The following PAK2 variants were observed in gnomAD, a reference collection of about 807,000 sequenced individuals.
The protein encoded by PAK2 is p21 (RAC1) activated kinase 2.
In PAK2, 21 loss-of-function variants were observed where a neutral mutation model predicts 65.9. The ratio of observed to expected loss-of-function variants is 0.32; its 90% CI spans 0.23 to 0.46. The LOEUF (loss-of-function observed/expected upper bound fraction) is 0.46, where lower values mean the gene tolerates loss of function less well. Among genes scored for constraint, PAK2 ranks in the 20% least tolerant of loss-of-function variants. The probability of loss-of-function intolerance (pLI) is 1.00; values close to 1 mark genes in which losing one functional copy is unlikely to be tolerated. For missense variants in PAK2, 324 were observed against 642.6 expected, an observed-to-expected ratio of 0.50 and a Z score of 5.36; for synonymous variants, 204 against 219.7, an observed-to-expected ratio of 0.93 and a Z score of 0.63.
At chr3:196,761,133 G>A (rs1365793418) in intron 1 of PAK2, among the ~76,000 whole-genome samples, 6 of 147,046 alleles carry the variant, frequency 4.1e-5, no homozygotes, top group Non-Finnish European at 7.4e-5. Flanking sequence ...TAAGGCTGAG[G>A]CAGGAGAACC....
intron 13 of PAK2, among the ~76,000 whole-genome samples, chr3:196,821,316 G>C (rs1276238260): frequency 6.8e-6 from 1 of 147,936 alleles, no homozygotes; most frequent in African/African-American, 2.5e-5. Flanking sequence ...GACAGGGTGA[G>C]ACTCTGTCTC....
chr3:196,799,730 C>T (rs753447085), intron 2 of PAK2, among the ~76,000 whole-genome samples: 9 of 152,142 alleles, frequency 5.9e-5, no homozygotes, highest in Non-Finnish European at 2.9e-5. Flanking sequence ...TCTCGGCTCA[C>T]TGCAGCCTCC....
At chr3:196,811,315 T>TTCCTTCCTTTCC (rs1553808541) in intron 8 of PAK2, among the ~76,000 whole-genome samples, 1 of 1,058 alleles carries the variant, frequency 9.5e-4, no homozygotes, top group African/African-American at 6.7e-3. Flanking sequence ...CTTCCCTTCC[T>TTCCTTCCTTTCC]TTCCTTCCTT....
intron 2 of PAK2, among the ~76,000 whole-genome samples, chr3:196,785,485 A>G (rs753041650): frequency 6.6e-6 from 1 of 151,564 alleles, no homozygotes; most frequent in East Asian, 1.9e-4. Flanking sequence ...ACCCTCAGCA[A>G]CTCTGGGAGG....
At position 196,772,022 on chromosome 3, in the gene PAK2, G is replaced by A. The variant is rs115966441; in HGVS notation, c.-21-10604G>A. ...AGTTCTGTATGGTGTTTTCATATTC[G>A]CTCTATTCTGCTTTTATTTTCAAGC... On this transcript the variant is annotated intron_variant, in intron 1 of 14. Coordinates refer to ENST00000327134, the MANE Select transcript of PAK2 (RefSeq NM_002577.4). Among the ~76,000 whole-genome samples the A allele has an allele frequency of 4.4e-3, 662 of 151,834 alleles. 1 individual carries two copies. Among genetic ancestry groups the A allele is most frequent in the Non-Finnish European group, 7.6e-3 (518 of 67,954 alleles).
intron 8 of PAK2, among the ~76,000 whole-genome samples, chr3:196,811,866 G>A (rs891322179): frequency 2.6e-5 from 4 of 152,074 alleles, no homozygotes; most frequent in Non-Finnish European, 5.9e-5. Flanking sequence ...ACCTTTGGGA[G>A]GAAGGAGACT....
chr3:196,807,940 T>C, intron 7 of PAK2, 26 bp downstream of exon 7: 2 of 1,581,894 alleles, frequency 1.3e-6, no homozygotes, highest in South Asian at 1.1e-5. Context: ...TTTACATCAT[T>C]GTTAAATTGT....
chr3:196,828,424 A>T lies in PAK2; in HGVS notation c.*19A>T. On this transcript the variant is annotated 3_prime_UTR_variant, in exon 15 of 15. Transcript: ENST00000327134. The stretch of plus-strand genomic sequence containing the variant: ...CCGTTAACATCACTGCTGTGGCCTC[A>T]TACTCTTTTTTCCATTTTCTACAAG... 7.0e-7 allele frequency: 1 copy of T among 1,426,166 alleles called. No homozygotes were observed. The highest frequency in any genetic ancestry group is 9.8e-7 in the Non-Finnish European group (1 of 1,016,874). The allele number at this position is 1,426,166 out of a possible 1,614,324, so 88.3% of individuals were successfully genotyped here.
At chr3:196,746,388 G>T (rs1156963157) in intron 1 of PAK2, among the ~76,000 whole-genome samples, 3 of 152,168 alleles carry the variant, frequency 2.0e-5, no homozygotes, top group Admixed American at 6.6e-5. Flanking sequence ...CTGAGGATAT[G>T]TAATAGTAAA....
In PAK2 at chr3:196,791,937, A is replaced by AG. The variant is rs1715087342; in HGVS notation, c.187+9105dup. ...GAGACTCCGTCAAAAAAAAAAAAAA[A>AG]GAAATAGAATTCCTGGGCTCAGTTT... On this transcript the variant is annotated intron_variant, in intron 2 of 14. Coordinates refer to ENST00000327134, the MANE Select transcript of PAK2 (RefSeq NM_002577.4). The surrounding 1 kb of genome is among the most constrained non-coding windows in gnomAD (Gnocchi z 4.0). Among the ~76,000 whole-genome samples, 1 of 150,684 alleles carries AG rather than the reference A, an allele frequency of 6.6e-6. No homozygotes were observed.
intron 7 of PAK2, 94 bp from the exon 8 acceptor site, chr3:196,810,495 TA>T: frequency 8.1e-6 from 6 of 745,108 alleles, no homozygotes; most frequent in Non-Finnish European, 1.4e-5. Context: ...AAATCACTTA[TA>T]AAAACAGTGG....
chr3:196,829,833 T>C lies in PAK2; in HGVS notation c.*1428T>C, dbSNP rs534776477. The C allele has an allele frequency of 9.2e-5, 14 of 152,334 alleles. No homozygotes were observed. Among genetic ancestry groups the C allele is most frequent in the African/African-American group, 3.1e-4 (13 of 41,572 alleles). The allele number at this position is 152,334 out of a possible 1,614,324, so 9.4% of individuals were successfully genotyped here. On this transcript the variant is annotated 3_prime_UTR_variant, in exon 15 of 15. Coordinates refer to ENST00000327134, the MANE Select transcript of PAK2 (RefSeq NM_002577.4). ...GTGCGTGTTGATAGCAATAATTTGTTTCTTTTAAAGATTCTAAAAGGTCTG... is the reference window on the plus strand; with the variant it reads ...GTGCGTGTTGATAGCAATAATTTGTCTCTTTTAAAGATTCTAAAAGGTCTG...
intron 2 of PAK2, among the ~76,000 whole-genome samples, chr3:196,800,689 C>A (rs1560108811): frequency 6.6e-6 from 1 of 152,126 alleles, no homozygotes; most frequent in Non-Finnish European, 1.5e-5. Flanking sequence ...GATAGACTCA[C>A]ACGTGTACAG....
intron 1 of PAK2, among the ~76,000 whole-genome samples, chr3:196,778,318 A>G (rs560798944): frequency 3.3e-5 from 5 of 152,262 alleles, no homozygotes; most frequent in East Asian, 1.9e-4. Flanking sequence ...GGTTGTGTCT[A>G]TCTTTTGGCT....
chr3:196,809,334 GTTATTA>G (rs928491813), intron 7 of PAK2, among the ~76,000 whole-genome samples: 1 of 130,794 alleles, frequency 7.6e-6, no homozygotes, highest in Non-Finnish European at 1.6e-5. Context: ...CTCTTACTCT[GTTATTA>G]TTATTATCTT....
At chr3:196,741,042 A>G (rs578026490) in intron 1 of PAK2, among the ~76,000 whole-genome samples, 1 of 152,000 alleles carries the variant, frequency 6.6e-6, no homozygotes, top group East Asian at 1.9e-4. Context: ...TAAATAACGA[A>G]CTCCGGTTGA....
intron 1 of PAK2, among the ~76,000 whole-genome samples, chr3:196,761,693 T>C (rs1461272864): frequency 2.1e-5 from 3 of 140,446 alleles, no homozygotes; most frequent in African/African-American, 7.8e-5. Context: ...GACGGGGTGG[T>C]GGCCGGGCAG....
At chr3:196,810,681 ATATTCAG>A in intron 8 of PAK2, 28 bp downstream of exon 8, 6 of 1,078,976 alleles carry the variant, frequency 5.6e-6, no homozygotes, top group South Asian at 2.5e-5. Flanking sequence ...TATTACGATA[ATATTCAG>A]TATTCAGTAT....
intron 1 of PAK2, among the ~76,000 whole-genome samples, chr3:196,771,689 GC>G (rs1339506181): frequency 6.6e-6 from 1 of 152,148 alleles, no homozygotes; most frequent in Non-Finnish European, 1.5e-5. Flanking sequence ...CTCCTGAGTA[GC>G]TGGGATTACA....
Sources: allele counts gnomAD v4.1 joint callset (sites outside exome capture counted in the v4.1 genomes callset), GRCh38; gene constraint gnomAD v4.1.1; non-coding constraint Gnocchi (gnomAD v3.1); transcripts MANE v1.5; gene names NCBI Gene and HGNC (gene_info 2026-07-23, HGNC 2026-07-21).